CRACD: variants seen among roughly 807,000 people sequenced by gnomAD.
CRACD encodes capping protein inhibiting regulator of actin dynamics.
In CRACD, 56 loss-of-function variants were observed where a neutral mutation model predicts 106.8. The observed-to-expected ratio is 0.52, with a 90% CI of 0.42 to 0.66. CRACD has a LOEUF of 0.66. Among genes scored for constraint, CRACD ranks in the 30% least tolerant of loss-of-function variants. The pLI is 0.00. For missense variants in CRACD, 1,730 were observed against 1,623.2 expected (o/e 1.07, Z -1.13); for synonymous variants, 754 against 670.8 (o/e 1.12, Z -1.92).
At chr4:56,100,270 G>T (rs1733736831) in intron 1 of CRACD, among the ~76,000 whole-genome samples, 1 of 152,104 alleles carries the variant, frequency 6.6e-6, no homozygotes, top group South Asian at 2.1e-4. Flanking sequence ...GGGGTGGAAA[G>T]ACAACTATTT....
At position 56,314,859 on chromosome 4, in the gene CRACD, G is replaced by A. The variant is rs777190021; in HGVS notation, c.1357G>A (p.Glu453Lys). The change falls in exon 8 of 11, where the codon GAG (glutamate) becomes AAG (lysine). Residue 453 changes from glutamate to lysine, a missense_variant. This residue lies in a region of CRACD where 1,620 missense variants were observed against 1,481.6 expected (regional missense o/e 1.09). Coordinates refer to ENST00000682029, the MANE Select transcript of CRACD (RefSeq NM_001393381.1). This position sits in a 1 kb window ranked among gnomAD's most constrained non-coding sequence, Gnocchi z 4.4. Reference sequence around the variant, plus strand: ...CTCCGAGGAGCCAGGTATTTGCGAGGAGCAGAACCCAGAGGCCGAGCGGCG... The same window carrying A: ...CTCCGAGGAGCCAGGTATTTGCGAGAAGCAGAACCCAGAGGCCGAGCGGCG... The part of the protein sequence containing the change: ...EHSEEPGICE[E>K]QNPEAERRRE... The A allele has an allele frequency of 1.2e-6, 2 of 1,612,068 alleles. No homozygotes were observed. The highest frequency in any genetic ancestry group is 1.1e-5 in the South Asian group (1 of 90,304).
In CRACD at chr4:56,327,898, T is replaced by C. The variant is rs1454037604; in HGVS notation, c.*94T>C. Reference sequence around the variant, plus strand: ...TTTATATGGGGTAAAGAAATCAAGCTAGGGAAAAGAAGCATGTTTTATAGG... The same window carrying C: ...TTTATATGGGGTAAAGAAATCAAGCCAGGGAAAAGAAGCATGTTTTATAGG... On this transcript the variant is annotated 3_prime_UTR_variant, in exon 11 of 11. Coordinates refer to ENST00000682029, the MANE Select transcript of CRACD (RefSeq NM_001393381.1). The C allele has an allele frequency of 8.8e-7, 1 of 1,137,332 alleles. No homozygotes were observed. Among genetic ancestry groups the C allele is most frequent in the African/African-American group, 1.6e-5 (1 of 63,490 alleles). The allele number at this position is 1,137,332 out of a possible 1,614,324, so 70.5% of individuals were successfully genotyped here. A position where few individuals can be genotyped will look rare whatever the true frequency, so the allele number is the denominator to read the frequency against.
chr4:56,236,556 C>T (rs1348530950), intron 2 of CRACD, among the ~76,000 whole-genome samples: 8 of 152,096 alleles, frequency 5.3e-5, no homozygotes, highest in Non-Finnish European at 8.8e-5. Flanking sequence ...ACTACTCACA[C>T]AGGTGGGCCA....
At chr4:56,200,300 A>G (rs1299446395) in intron 2 of CRACD, among the ~76,000 whole-genome samples, 1 of 152,190 alleles carries the variant, frequency 6.6e-6, no homozygotes, top group Non-Finnish European at 1.5e-5. Context: ...ACAGTTCAAC[A>G]CAATGAAATC....
At chr4:56,308,868 A>T (rs1446941703) in intron 5 of CRACD, 2 of 1,288,760 alleles carry the variant, frequency 1.6e-6, no homozygotes, top group Non-Finnish European at 2.0e-6. Context: ...CCTCACAGTT[A>T]TTGATGAGCT....
At chr4:56,097,117 T>C (rs1268474773) in intron 1 of CRACD, among the ~76,000 whole-genome samples, 1 of 152,046 alleles carries the variant, frequency 6.6e-6, no homozygotes, top group African/African-American at 2.4e-5. Flanking sequence ...AGACGTGCCA[T>C]CCATAGTGAT....
At chr4:56,156,017 G>A (rs1241029853) in intron 1 of CRACD, among the ~76,000 whole-genome samples, 1 of 152,166 alleles carries the variant, frequency 6.6e-6, no homozygotes, top group Non-Finnish European at 1.5e-5. Context: ...AGGCTGGAGT[G>A]CAGTGGTGTG....
chr4:56,195,358 G>A (rs1444553499), intron 2 of CRACD, among the ~76,000 whole-genome samples: 1 of 152,004 alleles, frequency 6.6e-6, no homozygotes. Flanking sequence ...AATTCCAAAA[G>A]TCAGAAGTTT....
At chr4:56,110,424 A>T (rs1011827117) in intron 1 of CRACD, among the ~76,000 whole-genome samples, 1 of 152,160 alleles carries the variant, frequency 6.6e-6, no homozygotes, top group African/African-American at 2.4e-5. Flanking sequence ...TGCATTTACC[A>T]TGAAAGTGAG....
chr4:56,193,821 T>A (rs1392045687), intron 2 of CRACD, among the ~76,000 whole-genome samples: 1 of 152,098 alleles, frequency 6.6e-6, no homozygotes, highest in Admixed American at 6.6e-5. Flanking sequence ...GTTTTTTTTT[T>A]ATATTCCAAT....
At chr4:56,119,610 C>G (rs949755652) in intron 1 of CRACD, among the ~76,000 whole-genome samples, 2 of 152,052 alleles carry the variant, frequency 1.3e-5, no homozygotes, top group Non-Finnish European at 2.9e-5. Context: ...ACTGGGATTA[C>G]AGCTGTGAGC....
chr4:56,086,065 G>A (rs754078629), intron 1 of CRACD, among the ~76,000 whole-genome samples: 1 of 152,142 alleles, frequency 6.6e-6, no homozygotes, highest in Non-Finnish European at 1.5e-5. Context: ...GAAGCAAACA[G>A]ATGAGAGGAA....
rs753135842 is a variant in CRACD, at chr4:56,315,288, A to G, written c.1786A>G (p.Ile596Val). The G allele has an allele frequency of 1.9e-6, 3 of 1,613,434 alleles. No individual in the cohort carries two copies. The Admixed American group carries it at 5.0e-5, about 27-fold the overall frequency. Residue 596 changes from isoleucine to valine, a missense_variant, in exon 8 of 11, where the codon ATT becomes GTT. By Grantham distance (29) the Ile-to-Val change is conservative. Around this residue, in one of 5 missense-constraint regions of CRACD, gnomAD observed 1,620 missense variants for 1,481.6 expected, o/e 1.09. Transcript: ENST00000682029. This position sits in a 1 kb window ranked among gnomAD's most constrained non-coding sequence, Gnocchi z 4.1. Reference protein sequence around the residue: ...PSSLSVPHTAILVTGAQLCGP... With the variant: ...PSSLSVPHTAVLVTGAQLCGP... ...GTCCCTGAGCGTTCCCCACACCGCC[A>G]TTCTGGTCACGGGCGCGCAGCTCTG... is the stretch of plus-strand genomic sequence containing the variant.
chr4:56,290,464 GAGA>G (rs1743641527), intron 3 of CRACD, among the ~76,000 whole-genome samples: 2 of 152,178 alleles, frequency 1.3e-5, no homozygotes, highest in Admixed American at 6.5e-5. Context: ...GACACATGAG[GAGA>G]AGAAGAGAGT....
At chr4:56,242,733 A>G (rs1185023266) in intron 2 of CRACD, among the ~76,000 whole-genome samples, 1 of 152,152 alleles carries the variant, frequency 6.6e-6, no homozygotes, top group Admixed American at 6.5e-5. Flanking sequence ...TTCCAGATTA[A>G]TAGGGAACTA....
At chr4:56,106,287 G>A (rs956730564) in intron 1 of CRACD, among the ~76,000 whole-genome samples, 10 of 152,158 alleles carry the variant, frequency 6.6e-5, no homozygotes, top group South Asian at 2.1e-4. Flanking sequence ...AGGCAGAAAC[G>A]GCCCTAGGAA....
At chr4:56,145,513 G>A (rs1488181416) in intron 1 of CRACD, among the ~76,000 whole-genome samples, 1 of 152,194 alleles carries the variant, frequency 6.6e-6, no homozygotes, top group Non-Finnish European at 1.5e-5. Context: ...GTGGAACACA[G>A]TTTGAGGGTT....
chr4:56,117,239 T>G (rs1422492275), intron 1 of CRACD, among the ~76,000 whole-genome samples: 1 of 152,000 alleles, frequency 6.6e-6, no homozygotes, highest in Non-Finnish European at 1.5e-5. Context: ...GCCAGGATGG[T>G]CTCTATCTCC....
chr4:56,076,995 A>G (rs1732861137), intron 1 of CRACD, among the ~76,000 whole-genome samples: 1 of 152,194 alleles, frequency 6.6e-6, no homozygotes, highest in South Asian at 2.1e-4. Flanking sequence ...CCTAATGGAC[A>G]TGGTTTTATC....
Sources: gnomAD v4.1 joint callset for allele counts (sites outside exome capture counted in the v4.1 genomes callset) on GRCh38, gnomAD v4.1.1 for gene constraint, gnomAD v4.1.1 regional missense constraint, Gnocchi (gnomAD v3.1) non-coding constraint, MANE v1.5 for transcripts, NCBI Gene and HGNC (gene_info 2026-07-23, HGNC 2026-07-21) for gene names.